Variants in WDR17 observed in about 807,000 individuals in gnomAD.
The protein encoded by WDR17 is WD repeat-containing protein 17.
In WDR17, 143 loss-of-function variants were observed where a neutral mutation model predicts 161.7. The observed-to-expected ratio is 0.88, with a 90% CI of 0.77 to 1.02. The LOEUF is 1.02. Among genes scored for constraint, WDR17 ranks in the 50% least tolerant of loss-of-function variants. WDR17 has a pLI of 0.00. For synonymous variants in WDR17, 517 were observed against 515.6 expected, an observed-to-expected ratio of 1.00 and a Z score of -0.04; for missense variants, 1,469 against 1,520.9, an observed-to-expected ratio of 0.97 and a Z score of 0.57.
At chr4:176,110,686 A>T (rs1739561582) in intron 1 of WDR17, among the ~76,000 whole-genome samples, 1 of 152,222 alleles carries the variant, frequency 6.6e-6, no homozygotes, top group Admixed American at 6.5e-5. Flanking sequence ...TAGAGTTTAC[A>T]TATAGATTCA....
At chr4:176,097,770 C>A (rs916928517) in intron 1 of WDR17, among the ~76,000 whole-genome samples, 1 of 147,722 alleles carries the variant, frequency 6.8e-6, no homozygotes, top group African/African-American at 2.5e-5. Context: ...CACACACACA[C>A]AATGCCAATA....
chr4:176,177,405 C>A (rs148013083), intron 27 of WDR17, 66 bp from the exon 28 acceptor site: 1 of 1,379,568 alleles, frequency 7.2e-7, no homozygotes, highest in African/African-American at 1.5e-5. Context: ...GGGATAATTT[C>A]TAATCTAAAC....
Position 176,172,493 on chromosome 4 carries a change from C to T in WDR17, c.3221C>T (p.Pro1074Leu). ...LLSQEPEKALPIGISFVKEYI... is the reference protein window; with the variant it reads ...LLSQEPEKALLIGISFVKEYI... ...AGTCAAGAACCTGAAAAAGCCCTTCCTATTGGTATTAGCTTTGTTAAAGGT... is the reference window on the plus strand; with the variant it reads ...AGTCAAGAACCTGAAAAAGCCCTTCTTATTGGTATTAGCTTTGTTAAAGGT... The change falls in exon 24 of 29, where the codon CCT (proline) becomes CTT (leucine). Residue 1074 changes from proline (P) to leucine (L), a missense_variant. Transcript: ENST00000508596. The T allele has an allele frequency of 6.2e-7, 1 of 1,602,114 alleles. No individual in the cohort carries two copies. The highest frequency in any genetic ancestry group is 8.5e-7 in the Non-Finnish European group (1 of 1,176,952).
At chr4:176,120,288 T>TCA (rs1174111501) in intron 4 of WDR17, among the ~76,000 whole-genome samples, 191 bp downstream of exon 4, 1 of 136,516 alleles carries the variant, frequency 7.3e-6, no homozygotes, top group African/African-American at 2.8e-5. Context: ...ATTTGAAGTT[T>TCA]TATATATATA....
intron 1 of WDR17, among the ~76,000 whole-genome samples, chr4:176,086,772 T>C (rs1208221988): frequency 6.6e-6 from 1 of 151,786 alleles, no homozygotes; most frequent in Non-Finnish European, 1.5e-5. Flanking sequence ...TCTTATTCAA[T>C]ATGTAACTGT....
chr4:176,171,995 C>T (rs758324532), intron 23 of WDR17, among the ~76,000 whole-genome samples: 1 of 152,086 alleles, frequency 6.6e-6, no homozygotes, highest in Non-Finnish European at 1.5e-5. Context: ...ATGTTTGGTG[C>T]ATTTAATGTC....
At chr4:176,172,585 A>G in intron 24 of WDR17, 69 bp downstream of exon 24, 1 of 1,331,170 alleles carries the variant, frequency 7.5e-7, no homozygotes, top group Admixed American at 2.6e-5. Flanking sequence ...CATACTGATG[A>G]TTGTTTTAAT....
chr4:176,081,250 C>G (rs557256009), intron 1 of WDR17, among the ~76,000 whole-genome samples: 2 of 152,210 alleles, frequency 1.3e-5, no homozygotes, highest in Non-Finnish European at 2.9e-5. Context: ...GTTTCAAAGA[C>G]TCCCCATCTC....
chr4:176,140,905 A>G, intron 10 of WDR17, among the ~76,000 whole-genome samples: 1 of 152,226 alleles, frequency 6.6e-6, no homozygotes, highest in East Asian at 1.9e-4. Context: ...ATACAAAATT[A>G]GTTTGACCAT....
intron 10 of WDR17, among the ~76,000 whole-genome samples, chr4:176,140,536 C>A (rs1745088726): frequency 6.6e-6 from 1 of 151,990 alleles, no homozygotes; most frequent in South Asian, 2.1e-4. Context: ...AGTAAGTTTT[C>A]AAATAAAAAT....
At chr4:176,089,465 A>C (rs1465667599) in intron 1 of WDR17, among the ~76,000 whole-genome samples, 1 of 152,142 alleles carries the variant, frequency 6.6e-6, no homozygotes, top group African/African-American at 2.4e-5. Flanking sequence ...GGTTCTTAGC[A>C]AAGATTTGTG....
intron 1 of WDR17, among the ~76,000 whole-genome samples, chr4:176,086,622 G>A (rs1735454904): frequency 6.6e-6 from 1 of 151,254 alleles, no homozygotes; most frequent in Non-Finnish European, 1.5e-5. Context: ...CTTTCTTTTG[G>A]TTAATATTTG....
At chr4:176,148,371 A>G in intron 13 of WDR17, 36 bp downstream of exon 13, 1 of 1,562,254 alleles carries the variant, frequency 6.4e-7, no homozygotes, top group East Asian at 2.3e-5. Context: ...TATTTGTTAT[A>G]TTGACATACT....
chr4:176,122,484 A>T (rs1741763487), intron 4 of WDR17, among the ~76,000 whole-genome samples: 1 of 152,252 alleles, frequency 6.6e-6, no homozygotes, highest in Admixed American at 6.5e-5. Context: ...ACAAAACATT[A>T]TAAAAGATAC....
At chr4:176,166,557 G>A (rs184929469) in intron 22 of WDR17, among the ~76,000 whole-genome samples, 35 of 152,186 alleles carry the variant, frequency 2.3e-4, no homozygotes, top group African/African-American at 7.7e-4. Flanking sequence ...AACATTGAAG[G>A]AAATTAGCTG....
At chr4:176,085,429 G>A (rs1346068384) in intron 1 of WDR17, among the ~76,000 whole-genome samples, 6 of 152,098 alleles carry the variant, frequency 3.9e-5, no homozygotes, top group East Asian at 3.9e-4. Flanking sequence ...CCAGTGAAAC[G>A]ATCTGGGCCT....
chr4:176,086,470 A>G (rs913057660), intron 1 of WDR17, among the ~76,000 whole-genome samples: 1 of 151,940 alleles, frequency 6.6e-6, no homozygotes, highest in African/African-American at 2.4e-5. Flanking sequence ...ATTGAAAACT[A>G]TGTATGTCAT....
intron 1 of WDR17, among the ~76,000 whole-genome samples, chr4:176,075,734 G>A (rs867464821): frequency 9.9e-5 from 15 of 152,220 alleles, no homozygotes; most frequent in African/African-American, 3.4e-4. Flanking sequence ...AGCATTTTGG[G>A]AGGCTGAGGC....
chr4:176,140,974 G>A (rs1451111189), intron 10 of WDR17, among the ~76,000 whole-genome samples: 6 of 152,148 alleles, frequency 3.9e-5, no homozygotes, highest in Admixed American at 2.6e-4. Flanking sequence ...ACACCTGTAA[G>A]CATAAGTCAC....
Sources: gnomAD v4.1 joint callset for allele counts (sites outside exome capture counted in the v4.1 genomes callset) on GRCh38, gnomAD v4.1.1 for gene constraint, MANE v1.5 for transcripts, NCBI Gene and HGNC (gene_info 2026-07-23, HGNC 2026-07-21) for gene names.